KIRREL1: variants seen among roughly 807,000 people sequenced by gnomAD.
KIRREL1 encodes the protein kin of IRRE-like protein 1.
In KIRREL1, 25 loss-of-function variants were observed where a neutral mutation model predicts 83.3. The ratio of observed to expected loss-of-function variants is 0.30; its 90% CI spans 0.22 to 0.42. The LOEUF (loss-of-function observed/expected upper bound fraction) is 0.42. KIRREL1 is among the 10% of genes least tolerant of loss of function. KIRREL1 has a pLI of 1.00. For missense variants in KIRREL1, 812 were observed against 1,032.3 expected (o/e 0.79, Z 2.92); for synonymous variants, 388 against 410.4 (o/e 0.95, Z 0.66).
Position 158,095,888 on chromosome 1 carries a change from T to G in KIRREL1, c.*768T>G, listed in dbSNP as rs1157597473. 1 of 152,402 alleles carries G rather than the reference T, an allele frequency of 6.6e-6. No individual in the cohort carries two copies. The highest frequency in any genetic ancestry group is 2.4e-5 in the African/African-American group (1 of 41,422). 9.4% of individuals were successfully genotyped at this position (152,402 alleles called of 1,614,324 possible). ...AGAAAGAAAGGCTAGGACCATGTCCTCATTGACCCAGATACTGCTGTGTGC... is the reference window on the plus strand; with the variant it reads ...AGAAAGAAAGGCTAGGACCATGTCCGCATTGACCCAGATACTGCTGTGTGC... On this transcript the variant is annotated 3_prime_UTR_variant, in exon 15 of 15. Coordinates refer to ENST00000359209, the MANE Select transcript of KIRREL1 (RefSeq NM_018240.7).
At chr1:158,019,410 T>C (rs898335495) in intron 1 of KIRREL1, among the ~76,000 whole-genome samples, 2 of 152,158 alleles carry the variant, frequency 1.3e-5, no homozygotes, top group Non-Finnish European at 2.9e-5. Context: ...CACTCTAAGA[T>C]GGGCAAACGA....
chr1:158,013,495 C>T (rs572415807), intron 1 of KIRREL1, among the ~76,000 whole-genome samples: 4 of 152,326 alleles, frequency 2.6e-5, no homozygotes, highest in Non-Finnish European at 4.4e-5. Flanking sequence ...TACGGCTCCC[C>T]GTTTCTTCTC....
intron 1 of KIRREL1, among the ~76,000 whole-genome samples, chr1:157,995,719 G>T (rs550501745): frequency 3.3e-5 from 5 of 152,302 alleles, no homozygotes; most frequent in East Asian, 1.9e-4. Flanking sequence ...GGAAAGGAGC[G>T]AGTGGCTAGG....
intron 1 of KIRREL1, among the ~76,000 whole-genome samples, chr1:158,064,577 C>T (rs1661310988): frequency 6.6e-6 from 1 of 152,228 alleles, no homozygotes; most frequent in Non-Finnish European, 1.5e-5. Flanking sequence ...CCAGCCTTAT[C>T]TTGAACACCT....
chr1:158,081,963 T>C (rs1307685278), intron 3 of KIRREL1, among the ~76,000 whole-genome samples: 1 of 152,154 alleles, frequency 6.6e-6, no homozygotes, highest in Non-Finnish European at 1.5e-5. Context: ...CTCCTGGGTG[T>C]GGCAGCAACA....
chr1:158,021,327 G>T (rs984058261), intron 1 of KIRREL1, among the ~76,000 whole-genome samples: 15 of 152,148 alleles, frequency 9.9e-5, no homozygotes, highest in African/African-American at 3.4e-4. Context: ...AACTCAGCTG[G>T]CTGCATGATG....
chr1:158,017,255 C>G (rs1173573404), intron 1 of KIRREL1, among the ~76,000 whole-genome samples: 1 of 152,192 alleles, frequency 6.6e-6, no homozygotes, highest in African/African-American at 2.4e-5. Context: ...CTCTCTTCCT[C>G]TCACTCTTCT....
At chr1:158,066,402 T>A (rs948964595) in intron 1 of KIRREL1, among the ~76,000 whole-genome samples, 10 of 152,228 alleles carry the variant, frequency 6.6e-5, no homozygotes, top group Non-Finnish European at 1.5e-4. Context: ...AAACAATCTT[T>A]AACAGCCTCT....
intron 1 of KIRREL1, among the ~76,000 whole-genome samples, chr1:158,013,595 A>G (rs1659746460): frequency 6.6e-6 from 1 of 152,236 alleles, no homozygotes; most frequent in Admixed American, 6.5e-5. Context: ...GATTTATTCC[A>G]ACCCTTGAAT....
At chr1:158,069,477 G>A (rs1661451113) in intron 1 of KIRREL1, among the ~76,000 whole-genome samples, 1 of 152,174 alleles carries the variant, frequency 6.6e-6, no homozygotes, top group Non-Finnish European at 1.5e-5. Flanking sequence ...ACAGAGACTG[G>A]CCTAGCTCTG....
chr1:158,003,223 TAAAAG>T (rs1165884797), intron 1 of KIRREL1, among the ~76,000 whole-genome samples: 1 of 151,922 alleles, frequency 6.6e-6, no homozygotes, highest in Non-Finnish European at 1.5e-5. Context: ...GGGAGGTTAT[TAAAAG>T]GAAAGGAGCA....
rs994956392 is a variant in KIRREL1 at position 158,014,692 on chromosome 1, G to T, written c.52+20964G>T. 2.7e-4 allele frequency among the ~76,000 whole-genome samples: 37 copies of T among 139,282 alleles called. 1 individual carries two copies. The South Asian group carries it at 4.4e-3, about 17-fold the overall frequency. The allele number at this position is 139,282 out of a possible 152,430, so 91.4% of individuals were successfully genotyped here. ...AATATAGTCTTTATGGGGGGGGGGG[G>T]GCGGGGGGAAGGAGGTTTTAGTCAG... On this transcript the variant is annotated intron_variant, in intron 1 of 14. Transcript: ENST00000359209.
chr1:158,094,577 C>A lies in KIRREL1; in HGVS notation c.1798-67C>A. On this transcript the variant is annotated intron_variant, in intron 14 of 14. Coordinates refer to ENST00000359209, the MANE Select transcript of KIRREL1 (RefSeq NM_018240.7). The surrounding 1 kb of genome is among the most constrained non-coding windows in gnomAD (Gnocchi z 4.6). ...AGCTGGAGGAAGAGGCCCAGAAAGC[C>A]ATGGTGAGACTTGATCCCCACCCAA... 1 of 1,377,242 alleles carries A rather than the reference C, an allele frequency of 7.3e-7. No individual in the cohort carries two copies. Among genetic ancestry groups the A allele is most frequent in the South Asian group, 1.3e-5 (1 of 79,312 alleles). 85.3% of individuals were successfully genotyped at this position (1,377,242 alleles called of 1,614,324 possible). A position where few individuals can be genotyped will look rare whatever the true frequency, so the allele number is the denominator to read the frequency against.
At chr1:157,997,184 G>T (rs1300050342) in intron 1 of KIRREL1, among the ~76,000 whole-genome samples, 1 of 152,136 alleles carries the variant, frequency 6.6e-6, no homozygotes, top group Non-Finnish European at 1.5e-5. Flanking sequence ...TCACAGACTC[G>T]CATCCAGCTC....
rs1662410838 is a variant in KIRREL1, at chr1:158,098,512, G to T, written c.*3392G>T. ...GCCCCTGCCTGAGAAGGAGCAGCTT[G>T]CAAGGGGAGCCGGTGGAGGGAAAGG... On this transcript the variant is annotated 3_prime_UTR_variant, in exon 15 of 15. Coordinates refer to ENST00000359209, the MANE Select transcript of KIRREL1 (RefSeq NM_018240.7). The T allele has an allele frequency of 6.6e-6, 1 of 152,308 alleles. No homozygotes were observed. Among genetic ancestry groups the T allele is most frequent in the Non-Finnish European group, 1.5e-5 (1 of 68,088 alleles). 9.4% of individuals were successfully genotyped at this position (152,308 alleles called of 1,614,324 possible).
At chr1:158,069,180 T>C (rs1355937559) in intron 1 of KIRREL1, among the ~76,000 whole-genome samples, 1 of 152,028 alleles carries the variant, frequency 6.6e-6, no homozygotes, top group Non-Finnish European at 1.5e-5. Flanking sequence ...CAGACGGGCA[T>C]CCATGGGTGC....
intron 1 of KIRREL1, among the ~76,000 whole-genome samples, 168 bp from the exon 2 acceptor site, chr1:158,075,945 G>A (rs142246317): frequency 1.3e-5 from 2 of 152,328 alleles, no homozygotes; most frequent in East Asian, 1.9e-4. Context: ...AAAGGGTAAG[G>A]ACGTGGCATC....
In KIRREL1 at chr1:158,094,526, G is replaced by A. The variant is rs1029008226; in HGVS notation, c.1798-118G>A. The A allele has an allele frequency of 3.2e-6, 4 of 1,251,272 alleles. No individual in the cohort carries two copies. The African/African-American group carries it at 4.4e-5, about 14-fold the overall frequency. The allele number at this position is 1,251,272 out of a possible 1,614,324, so 77.5% of individuals were successfully genotyped here. On this transcript the variant is annotated intron_variant, in intron 14 of 14. Coordinates refer to ENST00000359209, the MANE Select transcript of KIRREL1 (RefSeq NM_018240.7). The surrounding 1 kb of genome is among the most constrained non-coding windows in gnomAD (Gnocchi z 4.6). ...GGGTTTTTGAAGGAGCAGAGGAGGT[G>A]GAATGCTAGATGGGGACATAGGGAG...
Position 158,078,174 on chromosome 1 carries a change from C to T in KIRREL1, c.352+34C>T, listed in dbSNP as rs989491767. On this transcript the variant is annotated intron_variant, in intron 3 of 14. Coordinates refer to ENST00000359209, the MANE Select transcript of KIRREL1 (RefSeq NM_018240.7). ...CCCAATACCCTTCAGTACTTCGAGGCCCTGTCTCTCTGTATCCTGGCAGTC... is the reference window on the plus strand; with the variant it reads ...CCCAATACCCTTCAGTACTTCGAGGTCCTGTCTCTCTGTATCCTGGCAGTC... The T allele has an allele frequency of 1.9e-6, 3 of 1,602,024 alleles. No individual in the cohort carries two copies. The African/African-American group carries it at 4.0e-5, about 21-fold the overall frequency.
Sources: gnomAD v4.1 joint callset for allele counts (sites outside exome capture counted in the v4.1 genomes callset) on GRCh38, gnomAD v4.1.1 for gene constraint, Gnocchi (gnomAD v3.1) non-coding constraint, MANE v1.5 for transcripts, NCBI Gene and HGNC (gene_info 2026-07-23, HGNC 2026-07-21) for gene names.